Variants in HDAC9 observed in about 807,000 individuals in gnomAD.
The protein encoded by HDAC9 is MEF-2 interacting transcription repressor (MITR) protein.
In HDAC9, 41 loss-of-function variants were observed where a neutral mutation model predicts 139.4. The observed-to-expected ratio is 0.29, with a 90% confidence interval of 0.23 to 0.38. HDAC9 has a LOEUF of 0.38. Among genes scored for constraint, HDAC9 ranks in the 10% least tolerant of loss-of-function variants. The pLI is 1.00. For synonymous variants in HDAC9, 517 were observed against 476.2 expected (o/e 1.09, Z -1.12); for missense variants, 1,147 against 1,297.0 (o/e 0.88, Z 1.78).
chr7:18,740,078 G>T (rs893916099), intron 13 of HDAC9, among the ~76,000 whole-genome samples: 1 of 152,242 alleles, frequency 6.6e-6, no homozygotes, highest in Admixed American at 6.5e-5. Flanking sequence ...TGCCAAGCCA[G>T]GCACGGAAGA....
chr7:18,331,086 A>T (rs550748049), intron 1 of HDAC9, among the ~76,000 whole-genome samples: 1 of 151,832 alleles, frequency 6.6e-6, no homozygotes, highest in East Asian at 1.9e-4. Context: ...TTTGCATTTG[A>T]TAGGTACAAC....
At chr7:18,358,204 A>G (rs1481184285) in intron 1 of HDAC9, among the ~76,000 whole-genome samples, 1 of 152,210 alleles carries the variant, frequency 6.6e-6, no homozygotes, top group Non-Finnish European at 1.5e-5. Context: ...AAAGCAAAAC[A>G]AAACAACAAC....
At chr7:18,113,413 T>G (rs972342720) in intron 1 of HDAC9, among the ~76,000 whole-genome samples, 1 of 152,228 alleles carries the variant, frequency 6.6e-6, no homozygotes, top group Non-Finnish European at 1.5e-5. Context: ...TGCCAACTAT[T>G]ATTTCTTTTA....
At chr7:18,478,903 A>G (rs540756237) in intron 1 of HDAC9, among the ~76,000 whole-genome samples, 5 of 152,222 alleles carry the variant, frequency 3.3e-5, no homozygotes, top group African/African-American at 1.2e-4. Context: ...CATATTTCAT[A>G]TGTGGATTGG....
chr7:18,320,954 A>G (rs1562875173), intron 1 of HDAC9, among the ~76,000 whole-genome samples: 1 of 152,230 alleles, frequency 6.6e-6, no homozygotes, highest in Non-Finnish European at 1.5e-5. Context: ...AAGAGAGAAG[A>G]GAGAGATAAT....
At chr7:18,848,687 C>A (rs1242717769) in intron 21 of HDAC9, among the ~76,000 whole-genome samples, 1 of 151,800 alleles carries the variant, frequency 6.6e-6, no homozygotes, top group African/African-American at 2.4e-5. Flanking sequence ...TTAATGGCAA[C>A]CTGAGCAGAA....
chr7:18,806,816 T>C (rs1363408288), intron 17 of HDAC9, among the ~76,000 whole-genome samples: 3 of 152,170 alleles, frequency 2.0e-5, no homozygotes, highest in African/African-American at 7.2e-5. Flanking sequence ...ACCTTGCAAC[T>C]TAGGGATAAA....
chr7:18,580,716 A>G (rs886711340), intron 2 of HDAC9, among the ~76,000 whole-genome samples: 1 of 152,228 alleles, frequency 6.6e-6, no homozygotes, highest in African/African-American at 2.4e-5. Flanking sequence ...TTCCCAGACA[A>G]GGAATGTTGT....
At chr7:18,648,735 G>T (rs911943820) in intron 11 of HDAC9, 52 bp downstream of exon 11, 2 of 1,479,556 alleles carry the variant, frequency 1.4e-6, no homozygotes, top group Non-Finnish European at 1.9e-6. Context: ...TGGAAATTGG[G>T]TATCTCTTCA....
At chr7:18,695,286 G>T (rs1325561637) in intron 12 of HDAC9, among the ~76,000 whole-genome samples, 1 of 152,234 alleles carries the variant, frequency 6.6e-6, no homozygotes, top group African/African-American at 2.4e-5. Context: ...GGACTCTTTG[G>T]GGGAGGGAAC....
At chr7:18,600,002 A>G (rs188563178) in intron 6 of HDAC9, among the ~76,000 whole-genome samples, 1 of 151,314 alleles carries the variant, frequency 6.6e-6, no homozygotes, top group East Asian at 1.9e-4. Context: ...TAGCCATTCT[A>G]ATACGTATGT....
At chr7:18,442,725 A>G (rs1791904180) in intron 1 of HDAC9, among the ~76,000 whole-genome samples, 2 of 152,180 alleles carry the variant, frequency 1.3e-5, no homozygotes, top group Non-Finnish European at 2.9e-5. Context: ...TTTAGACTCT[A>G]GTGTCATGGA....
At chr7:18,164,509 T>C (rs1787868458) in intron 2 of HDAC9, among the ~76,000 whole-genome samples, 1 of 152,224 alleles carries the variant, frequency 6.6e-6, no homozygotes, top group African/African-American at 2.4e-5. Flanking sequence ...GGAGTTATTG[T>C]GCACCAGAAA....
chr7:18,482,640 T>G (rs564470055), intron 1 of HDAC9, among the ~76,000 whole-genome samples: 6 of 152,202 alleles, frequency 3.9e-5, no homozygotes, highest in Admixed American at 2.6e-4. Context: ...AGCAATGCCC[T>G]TATTTATTTT....
rs146764250 is a variant in HDAC9 at position 18,866,267 on chromosome 7, T to C, written c.2685-8211T>C. On this transcript the variant is annotated intron_variant, in intron 21 of 25. Transcript: ENST00000686413. The stretch of plus-strand genomic sequence containing the variant: ...ACGGCCTTCTCTAGGTACCCCTGTC[T>C]CAACGTGCACCACCCCCGTGACTTT... Among the ~76,000 whole-genome samples the C allele has an allele frequency of 3.0e-3, 460 of 151,996 alleles. 6 individuals carry two copies. The highest frequency in any genetic ancestry group is 0.011 in the African/African-American group (446 of 41,456).
intron 2 of HDAC9, among the ~76,000 whole-genome samples, chr7:18,250,988 C>G (rs1794881724): frequency 6.6e-6 from 1 of 151,850 alleles, no homozygotes; most frequent in African/African-American, 2.4e-5. Context: ...CCATTTGATT[C>G]AGCAATCCCA....
chr7:18,896,758 T>C (rs894845499), intron 22 of HDAC9, among the ~76,000 whole-genome samples: 6 of 152,072 alleles, frequency 3.9e-5, no homozygotes, highest in African/African-American at 1.4e-4. Context: ...GATAGTGACA[T>C]CGGGTCACAC....
chr7:18,780,454 G>A (rs1323777301), intron 16 of HDAC9, among the ~76,000 whole-genome samples: 1 of 152,022 alleles, frequency 6.6e-6, no homozygotes, highest in Non-Finnish European at 1.5e-5. Context: ...AGACAGGGGT[G>A]ATGCATGACA....
chr7:18,832,106 C>G (rs1190417875), intron 19 of HDAC9, among the ~76,000 whole-genome samples: 1 of 152,186 alleles, frequency 6.6e-6, no homozygotes, highest in African/African-American at 2.4e-5. Context: ...CTAGTGTGGA[C>G]AGGGAGCAGG....
Sources: allele counts gnomAD v4.1 joint callset (sites outside exome capture counted in the v4.1 genomes callset), GRCh38; gene constraint gnomAD v4.1.1; transcripts MANE v1.5; gene names NCBI Gene and HGNC (gene_info 2026-07-23, HGNC 2026-07-21).